Variants in KAZN observed in about 807,000 individuals in gnomAD.
The protein encoded by KAZN is kazrin.
In KAZN, 40 loss-of-function variants were observed where a neutral mutation model predicts 87.4. The ratio of observed to expected loss-of-function variants is 0.46; its 90% confidence interval spans 0.36 to 0.60. KAZN has a LOEUF of 0.60. KAZN is among the 20% of genes least tolerant of loss of function. The pLI is 0.00. For synonymous variants in KAZN, 466 were observed against 458.3 expected, an observed-to-expected ratio of 1.02 and a Z score of -0.22; for missense variants, 898 against 1,073.9, an observed-to-expected ratio of 0.84 and a Z score of 2.29.
At chr1:14,520,765 C>T (rs116440800) in intron 2 of KAZN, among the ~76,000 whole-genome samples, 2,717 of 152,294 alleles carry the variant, frequency 0.018, 70 homozygotes, top group African/African-American at 0.061. Context: ...AAACTCCCCC[C>T]AAACCTTAAT....
intron 1 of KAZN, among the ~76,000 whole-genome samples, chr1:14,784,783 C>T (rs191989265): frequency 6.6e-6 from 1 of 152,194 alleles, no homozygotes; most frequent in East Asian, 1.9e-4. Context: ...CAAGTGACTA[C>T]TCCAGACCAG....
chr1:14,767,721 G>A (rs1644921073), intron 1 of KAZN, among the ~76,000 whole-genome samples: 1 of 152,164 alleles, frequency 6.6e-6, no homozygotes, highest in Non-Finnish European at 1.5e-5. Flanking sequence ...ACCTTTCTTA[G>A]TTTGGTCCCT....
At chr1:14,705,710 T>A (rs1435584215) in intron 1 of KAZN, among the ~76,000 whole-genome samples, 1 of 152,140 alleles carries the variant, frequency 6.6e-6, no homozygotes, top group Non-Finnish European at 1.5e-5. Flanking sequence ...TTCTCACTCA[T>A]GTGTGGAAGC....
At chr1:14,133,690 G>C (rs116249270) in intron 1 of KAZN, among the ~76,000 whole-genome samples, 1,596 of 152,172 alleles carry the variant, frequency 0.01, 26 homozygotes, top group African/African-American at 0.037. Flanking sequence ...CTTCTCCAAG[G>C]GGTTTGTTGA....
At position 14,004,105 on chromosome 1, in the gene KAZN, C is replaced by CAA. The variant is rs34370589; in HGVS notation, c.91+110357_91+110358dup. Among the ~76,000 whole-genome samples the CAA allele has an allele frequency of 1.7e-4, 25 of 149,744 alleles. No individual in the cohort carries two copies. The South Asian group carries it at 3.6e-3, about 22-fold the overall frequency. On this transcript the variant is annotated intron_variant, in intron 1 of 16. Coordinates refer to the KAZN transcript ENST00000636203. ...CCCAAAAGAGGATATCTAAACTGCCCAAAAAAAAAGCAAATGTCCAACGTC... is the reference window on the plus strand; with the variant it reads ...CCCAAAAGAGGATATCTAAACTGCCCAAAAAAAAAAAGCAAATGTCCAACGTC...
chr1:14,495,728 C>A (rs1669905621), intron 2 of KAZN, among the ~76,000 whole-genome samples: 1 of 152,158 alleles, frequency 6.6e-6, no homozygotes, highest in African/African-American at 2.4e-5. Flanking sequence ...TGCCCAGGAA[C>A]ATGTATCTCA....
At chr1:14,644,430 C>T (rs1276876234) in intron 1 of KAZN, among the ~76,000 whole-genome samples, 2 of 149,530 alleles carry the variant, frequency 1.3e-5, no homozygotes, top group African/African-American at 5.0e-5. Flanking sequence ...GGTGTGATCT[C>T]GGCTCACTGC....
chr1:14,021,300 TA>T (rs1328306286), intron 1 of KAZN, among the ~76,000 whole-genome samples: 1 of 152,198 alleles, frequency 6.6e-6, no homozygotes, highest in Non-Finnish European at 1.5e-5. Flanking sequence ...AGCCTTGCTA[TA>T]AAGGCTACCT....
At chr1:13,913,933 A>G (rs183847926) in intron 1 of KAZN, among the ~76,000 whole-genome samples, 2 of 152,200 alleles carry the variant, frequency 1.3e-5, no homozygotes, top group Admixed American at 1.3e-4. Flanking sequence ...TTGGACCAGC[A>G]TCACCTGGGA....
At chr1:14,685,252 GTA>G (rs1166800627) in intron 1 of KAZN, among the ~76,000 whole-genome samples, 5 of 152,216 alleles carry the variant, frequency 3.3e-5, no homozygotes, top group Admixed American at 2.6e-4. Context: ...CTGGGAGCTG[GTA>G]TAGAGCATGC....
At chr1:14,619,295 T>G (rs1325619875) in intron 1 of KAZN, among the ~76,000 whole-genome samples, 2 of 151,956 alleles carry the variant, frequency 1.3e-5, no homozygotes, top group African/African-American at 4.8e-5. Flanking sequence ...ACTCCTGGGC[T>G]CAAACAATCC....
chr1:14,083,789 A>C (rs1023300463), intron 1 of KAZN, among the ~76,000 whole-genome samples: 2 of 152,212 alleles, frequency 1.3e-5, no homozygotes, highest in Admixed American at 1.3e-4. Context: ...GCATCACTGG[A>C]GGCTGATGTG....
rs368646879 is a variant in KAZN at position 15,081,016 on chromosome 1, C to T, written c.1223-13164C>T. Reference sequence around the variant, plus strand: ...AGAGGCCTTGCCGTAGGCAGAGGGACAAGAGAATGGTAGCATCTACTGCAT... The same window carrying T: ...AGAGGCCTTGCCGTAGGCAGAGGGATAAGAGAATGGTAGCATCTACTGCAT... On this transcript the variant is annotated intron_variant, in intron 8 of 14. Coordinates refer to ENST00000376030, the MANE Select transcript of KAZN (RefSeq NM_201628.3). The surrounding 1 kb of genome is among the most constrained non-coding windows in gnomAD (Gnocchi z 4.1). 3.3e-5 allele frequency among the ~76,000 whole-genome samples: 5 copies of T among 152,246 alleles called. No homozygotes were observed. Among genetic ancestry groups the T allele is most frequent in the Non-Finnish European group, 5.9e-5 (4 of 68,046 alleles).
At chr1:13,958,828 G>A (rs1473936309) in intron 1 of KAZN, among the ~76,000 whole-genome samples, 3 of 152,052 alleles carry the variant, frequency 2.0e-5, no homozygotes, top group Non-Finnish European at 2.9e-5. Context: ...GAGCCAAGGC[G>A]GGAGTGGAAG....
chr1:15,067,397 C>G (rs982123812), intron 8 of KAZN: 6 of 985,360 alleles, frequency 6.1e-6, no homozygotes, highest in Non-Finnish European at 6.0e-6. Context: ...AGAGGCTTCA[C>G]CAGCAAAGGA....
At chr1:14,618,445 T>C (rs1678430207) in intron 1 of KAZN, among the ~76,000 whole-genome samples, 1 of 152,258 alleles carries the variant, frequency 6.6e-6, no homozygotes, top group Admixed American at 6.5e-5. Flanking sequence ...GCTGGGCTCA[T>C]GGAGTTCATG....
chr1:15,073,736 T>C (rs1465029326), intron 8 of KAZN, among the ~76,000 whole-genome samples: 1 of 152,236 alleles, frequency 6.6e-6, no homozygotes, highest in African/African-American at 2.4e-5. Context: ...ATCTGAGTTC[T>C]GAGCCTGAGG....
At chr1:15,042,966 G>T (rs1243385475) in intron 3 of KAZN, among the ~76,000 whole-genome samples, 1 of 152,206 alleles carries the variant, frequency 6.6e-6, no homozygotes, top group Non-Finnish European at 1.5e-5. Context: ...ACTTTGCTCC[G>T]GCCAACAGAG....
chr1:14,182,356 A>G (rs1309629602), intron 2 of KAZN, among the ~76,000 whole-genome samples: 2 of 152,060 alleles, frequency 1.3e-5, no homozygotes, highest in African/African-American at 4.8e-5. Context: ...TGGAAACCCC[A>G]TTGTTTCTTT....
Sources: gnomAD v4.1 joint callset for allele counts (sites outside exome capture counted in the v4.1 genomes callset) on GRCh38, gnomAD v4.1.1 for gene constraint, Gnocchi (gnomAD v3.1) non-coding constraint, MANE v1.5 for transcripts, NCBI Gene and HGNC (gene_info 2026-07-23, HGNC 2026-07-21) for gene names.